The following CNTNAP2 variants were observed in gnomAD, a reference collection of about 807,000 sequenced individuals.
CNTNAP2 encodes the protein contactin-associated protein-like 2.
Under a neutral mutation model 155.2 loss-of-function variants are expected in CNTNAP2, and 98 were observed. The ratio of observed to expected loss-of-function variants is 0.63; its 90% CI spans 0.54 to 0.75. The LOEUF (loss-of-function observed/expected upper bound fraction) is 0.75, where lower values mean the gene tolerates loss of function less well. CNTNAP2 is among the 30% of genes least tolerant of loss of function. The probability of loss-of-function intolerance (pLI) is 0.00; values close to 1 mark genes in which losing one functional copy is unlikely to be tolerated. For synonymous variants in CNTNAP2, 651 were observed against 631.2 expected (o/e 1.03, Z -0.47); for missense variants, 1,727 against 1,688.1 (o/e 1.02, Z -0.40).
At chr7:148,062,042 T>A (rs199830761) in intron 15 of CNTNAP2, among the ~76,000 whole-genome samples, 3,155 of 144,294 alleles carry the variant, frequency 0.022, 124 homozygotes, top group African/African-American at 0.028. Flanking sequence ...TGTGTGTGTG[T>A]GTGTGTGTGT....
chr7:146,527,448 G>A (rs1391640911), intron 1 of CNTNAP2, among the ~76,000 whole-genome samples: 4 of 152,150 alleles, frequency 2.6e-5, no homozygotes, highest in African/African-American at 9.7e-5. Flanking sequence ...TACTATGCAT[G>A]AGACAGCAAG....
chr7:147,135,772 G>A (rs1281307954), intron 8 of CNTNAP2, among the ~76,000 whole-genome samples: 1 of 143,600 alleles, frequency 7.0e-6, no homozygotes, highest in African/African-American at 2.6e-5. Flanking sequence ...CTTTTCTTTT[G>A]CTTTATTCTT....
intron 1 of CNTNAP2, among the ~76,000 whole-genome samples, chr7:146,323,012 C>T (rs929104657): frequency 6.6e-6 from 1 of 151,876 alleles, no homozygotes; most frequent in Non-Finnish European, 1.5e-5. Context: ...CCAAAAGAGC[C>T]TTATATGCCA....
At position 147,214,784 on chromosome 7, in the gene CNTNAP2, A is replaced by G. The variant is rs552200056; in HGVS notation, c.1348+82275A>G. On this transcript the variant is annotated intron_variant, in intron 8 of 23. Coordinates refer to ENST00000361727, the MANE Select transcript of CNTNAP2 (RefSeq NM_014141.6). The stretch of plus-strand genomic sequence containing the variant: ...CCTCCTCCATTATCAACATCCTTGT[A>G]TTAGTCCATTTTCACACTGCTATGA... 2.0e-5 allele frequency among the ~76,000 whole-genome samples: 3 copies of G among 152,258 alleles called. No individual in the cohort carries two copies. The East Asian group carries it at 5.8e-4, about 29-fold the overall frequency.
intron 1 of CNTNAP2, among the ~76,000 whole-genome samples, chr7:146,277,937 TAAAAA>T (rs750555530): frequency 9.2e-5 from 14 of 151,842 alleles, no homozygotes; most frequent in Non-Finnish European, 8.8e-5. Flanking sequence ...AAAAAGAAAA[TAAAAA>T]GAAAACTGAA....
intron 3 of CNTNAP2, among the ~76,000 whole-genome samples, chr7:146,939,666 T>C (rs1403552337): frequency 6.6e-6 from 1 of 152,150 alleles, no homozygotes; most frequent in African/African-American, 2.4e-5. Flanking sequence ...GTTTTTTAAT[T>C]TGCCTGTAAT....
intron 21 of CNTNAP2, among the ~76,000 whole-genome samples, chr7:148,364,180 G>A (rs1367783301): frequency 1.3e-5 from 2 of 152,224 alleles, no homozygotes; most frequent in Non-Finnish European, 2.9e-5. Flanking sequence ...ACCACCCAAG[G>A]GCTGAGGAAT....
At chr7:146,335,311 A>G (rs996427656) in intron 1 of CNTNAP2, among the ~76,000 whole-genome samples, 12 of 152,222 alleles carry the variant, frequency 7.9e-5, no homozygotes, top group Non-Finnish European at 1.8e-4. Context: ...AAATGAATAC[A>G]TTTTATTACA....
intron 1 of CNTNAP2, among the ~76,000 whole-genome samples, chr7:146,556,239 G>A (rs1431202186): frequency 1.3e-5 from 2 of 151,932 alleles, no homozygotes; most frequent in Non-Finnish European, 2.9e-5. Context: ...TTCCTTAAAA[G>A]TACTTAGAAT....
chr7:146,736,555 G>A (rs1801623950), intron 1 of CNTNAP2, among the ~76,000 whole-genome samples: 1 of 152,180 alleles, frequency 6.6e-6, no homozygotes, highest in Non-Finnish European at 1.5e-5. Flanking sequence ...GACACAAGTA[G>A]ATATTAACTA....
At position 147,779,079 on chromosome 7, in the gene CNTNAP2, C is replaced by CT. The variant is rs924241415; in HGVS notation, c.2099-124477dup. On this transcript the variant is annotated intron_variant, in intron 13 of 23. Coordinates refer to ENST00000361727, the MANE Select transcript of CNTNAP2 (RefSeq NM_014141.6). Reference sequence around the variant, plus strand: ...TTCTATTATGAAATTAGCATGCAATCTTTTTTTTTGTAAGCAATCCAACCA... The same window carrying CT: ...TTCTATTATGAAATTAGCATGCAATCTTTTTTTTTTGTAAGCAATCCAACCA... 2.7e-3 allele frequency among the ~76,000 whole-genome samples: 412 copies of CT among 151,716 alleles called. 3 individuals are homozygous for CT. The highest frequency in any genetic ancestry group is 6.4e-3 in the African/African-American group (266 of 41,408).
At chr7:148,307,771 C>A (rs1221439038) in intron 21 of CNTNAP2, among the ~76,000 whole-genome samples, 1 of 152,050 alleles carries the variant, frequency 6.6e-6, no homozygotes, top group Non-Finnish European at 1.5e-5. Flanking sequence ...AGTTTGAGAT[C>A]AGCCTGGGCA....
intron 18 of CNTNAP2, among the ~76,000 whole-genome samples, chr7:148,211,015 G>A (rs1457133325): frequency 6.6e-6 from 1 of 152,240 alleles, no homozygotes; most frequent in African/African-American, 2.4e-5. Flanking sequence ...GAAGGAACCA[G>A]GCCTGCCTGA....
chr7:148,173,030 C>A (rs1344837190), intron 18 of CNTNAP2, among the ~76,000 whole-genome samples: 2 of 152,204 alleles, frequency 1.3e-5, no homozygotes, highest in Non-Finnish European at 2.9e-5. Flanking sequence ...AGCTAAACTG[C>A]AGAAATGCTG....
rs1795206721 is a variant in CNTNAP2 at position 146,369,714 on chromosome 7, C to T, written c.97+252741C>T. Among the ~76,000 whole-genome samples, 2 of 151,978 alleles carry T rather than the reference C, an allele frequency of 1.3e-5. 1 individual carries two copies. The highest frequency in any genetic ancestry group is 4.2e-4 in the South Asian group (2 of 4,812). ...GAGTTTTTAAAATCTGTAATCTGTG[C>T]TTTACTCATTTTCTTTATTGGCTGT... is the stretch of plus-strand genomic sequence containing the variant. On this transcript the variant is annotated intron_variant, in intron 1 of 23. Transcript: ENST00000361727.
chr7:147,379,118 T>G (rs907207004), intron 9 of CNTNAP2, among the ~76,000 whole-genome samples: 8 of 152,054 alleles, frequency 5.3e-5, no homozygotes, highest in African/African-American at 1.9e-4. Context: ...TCCGCCATGA[T>G]TATAAGTTTC....
chr7:147,690,750 C>A (rs985059014), intron 13 of CNTNAP2, among the ~76,000 whole-genome samples: 1 of 147,450 alleles, frequency 6.8e-6, no homozygotes, highest in Non-Finnish European at 1.5e-5. Context: ...TAAAGTTTTT[C>A]TTTCAATTAT....
chr7:146,970,744 A>G (rs577905197), intron 3 of CNTNAP2, among the ~76,000 whole-genome samples: 155 of 152,322 alleles, frequency 1.0e-3, no homozygotes, highest in African/African-American at 3.6e-3. Flanking sequence ...TCATGCTGCT[A>G]TAAAAACACA....
intron 8 of CNTNAP2, among the ~76,000 whole-genome samples, chr7:147,247,993 T>C (rs1462020125): frequency 6.6e-6 from 1 of 152,034 alleles, no homozygotes; most frequent in Non-Finnish European, 1.5e-5. Context: ...GAAAAGAAAA[T>C]ACAGTTTCTC....
Sources: gnomAD v4.1 joint callset for allele counts (sites outside exome capture counted in the v4.1 genomes callset) on GRCh38, gnomAD v4.1.1 for gene constraint, MANE v1.5 for transcripts, NCBI Gene and HGNC (gene_info 2026-07-23, HGNC 2026-07-21) for gene names.